Variants in GRIP1 observed in about 807,000 individuals in gnomAD.
GRIP1 encodes the protein glutamate receptor-interacting protein 1.
Under a neutral mutation model 129.9 loss-of-function variants are expected in GRIP1, and 45 were observed. That is an observed-to-expected ratio of 0.35 (90% CI 0.27 to 0.44). The LOEUF (loss-of-function observed/expected upper bound fraction) is 0.44. Among genes scored for constraint, GRIP1 ranks in the 20% least tolerant of loss-of-function variants. GRIP1 has a pLI of 1.00. For synonymous variants in GRIP1, 530 were observed against 520.8 expected (o/e 1.02, Z -0.24); for missense variants, 1,196 against 1,396.8 (o/e 0.86, Z 2.29).
At chr12:66,848,242 C>CTT (rs2039852491) in intron 1 of GRIP1, among the ~76,000 whole-genome samples, 1 of 151,936 alleles carries the variant, frequency 6.6e-6, no homozygotes, top group Non-Finnish European at 1.5e-5. Context: ...CTCCCTGGCT[C>CTT]TTTCCCTGTC....
intron 1 of GRIP1, among the ~76,000 whole-genome samples, chr12:66,661,538 A>G (rs888048269): frequency 1.3e-5 from 2 of 151,750 alleles, no homozygotes; most frequent in Non-Finnish European, 2.9e-5. Context: ...GACTTGGGGG[A>G]AGTCCTGTCT....
chr12:66,995,856 C>T (rs2042459258), intron 1 of GRIP1, among the ~76,000 whole-genome samples: 1 of 152,148 alleles, frequency 6.6e-6, no homozygotes, highest in Non-Finnish European at 1.5e-5. Context: ...CATATGTCCA[C>T]ATAAAATCTC....
intron 1 of GRIP1, among the ~76,000 whole-genome samples, chr12:67,031,015 C>A (rs1013431126): frequency 6.6e-6 from 1 of 151,712 alleles, no homozygotes; most frequent in Non-Finnish European, 1.5e-5. Flanking sequence ...GCTCACCTCA[C>A]GACAGGTAAA....
intron 7 of GRIP1, among the ~76,000 whole-genome samples, chr12:66,472,679 C>T (rs1393502696): frequency 1.3e-5 from 2 of 152,272 alleles, no homozygotes; most frequent in East Asian, 1.9e-4. Context: ...GAAGGGCAAG[C>T]CGAAGCAGGG....
intron 1 of GRIP1, among the ~76,000 whole-genome samples, chr12:66,810,218 T>C (rs1027746806): frequency 1.3e-5 from 2 of 152,164 alleles, no homozygotes; most frequent in Admixed American, 1.3e-4. Flanking sequence ...TGTATAACAG[T>C]ATTAGCTTCT....
At chr12:66,601,408 G>A (rs1475177340) in intron 1 of GRIP1, among the ~76,000 whole-genome samples, 2 of 152,166 alleles carry the variant, frequency 1.3e-5, no homozygotes, top group African/African-American at 2.4e-5. Flanking sequence ...GTATCAAACA[G>A]CATCCTTGTG....
chr12:66,880,460 A>G (rs767958420), intron 1 of GRIP1, among the ~76,000 whole-genome samples: 4 of 152,138 alleles, frequency 2.6e-5, no homozygotes, highest in Admixed American at 6.6e-5. Context: ...ACATTGGTCA[A>G]TATCATGATT....
At chr12:66,588,377 T>C (rs1261500192) in intron 2 of GRIP1, among the ~76,000 whole-genome samples, 2 of 152,038 alleles carry the variant, frequency 1.3e-5, no homozygotes, top group African/African-American at 2.4e-5. Context: ...CCCCCTCTAA[T>C]TGAGGGCTCT....
intron 1 of GRIP1, among the ~76,000 whole-genome samples, chr12:66,983,792 T>A (rs1314529849): frequency 6.6e-6 from 1 of 152,196 alleles, no homozygotes; most frequent in Non-Finnish European, 1.5e-5. Flanking sequence ...ATGAAGTGAT[T>A]AAATAGTATT....
intron 4 of GRIP1, among the ~76,000 whole-genome samples, chr12:66,534,730 G>C (rs1052919392): frequency 6.6e-6 from 1 of 151,400 alleles, no homozygotes; most frequent in Non-Finnish European, 1.5e-5. Context: ...GTCTTGCTCT[G>C]TTGCCCAGGC....
At chr12:66,771,738 G>C (rs1454544903) in intron 1 of GRIP1, among the ~76,000 whole-genome samples, 1 of 152,170 alleles carries the variant, frequency 6.6e-6, no homozygotes, top group African/African-American at 2.4e-5. Flanking sequence ...TAGAAAGAAA[G>C]AAAGTTCTTT....
chr12:66,840,754 T>G (rs1371444555), intron 1 of GRIP1, among the ~76,000 whole-genome samples: 2 of 152,198 alleles, frequency 1.3e-5, no homozygotes, highest in Non-Finnish European at 2.9e-5. Flanking sequence ...ACTGGTCATT[T>G]GGGCTGCCTG....
At chr12:66,815,051 T>C (rs1463783665) in intron 1 of GRIP1, among the ~76,000 whole-genome samples, 2 of 152,182 alleles carry the variant, frequency 1.3e-5, no homozygotes, top group Admixed American at 1.3e-4. Flanking sequence ...GGGTGGGGGA[T>C]AGCCAAACTA....
At chr12:66,388,072 C>T (rs190426137) in intron 19 of GRIP1, among the ~76,000 whole-genome samples, 247 of 148,456 alleles carry the variant, frequency 1.7e-3, no homozygotes, top group African/African-American at 5.1e-3. Context: ...TAAAATTGTA[C>T]GTAAAAAAAA....
intron 1 of GRIP1, among the ~76,000 whole-genome samples, chr12:66,900,831 G>C (rs995340625): frequency 6.6e-6 from 1 of 152,200 alleles, no homozygotes; most frequent in Non-Finnish European, 1.5e-5. Context: ...TTGCCAACTG[G>C]AAAAACATCA....
At position 66,531,276 on chromosome 12, in the gene GRIP1, T is replaced by A. The variant is rs1400195355; in HGVS notation, c.419-1362A>T. 8.4e-4 allele frequency among the ~76,000 whole-genome samples: 11 copies of A among 13,148 alleles called. 1 individual carries two copies. In the African/African-American group the frequency reaches 0.011, roughly 13 times the overall value. The allele number at this position is 13,148 out of a possible 152,430, so 8.6% of individuals were successfully genotyped here. A position where few individuals can be genotyped will look rare whatever the true frequency, so the allele number is the denominator to read the frequency against. Reference sequence around the variant, plus strand: ...AAATATATATATATATATATATATATATATATATATATATATATATATATA... The same window carrying A: ...AAATATATATATATATATATATATAAATATATATATATATATATATATATA... On this transcript the variant is annotated intron_variant, in intron 4 of 24. Transcript: ENST00000359742.
At chr12:66,874,212 A>T (rs927947080) in intron 1 of GRIP1, among the ~76,000 whole-genome samples, 1 of 152,124 alleles carries the variant, frequency 6.6e-6, no homozygotes, top group Non-Finnish European at 1.5e-5. Context: ...ATCTTTTAAA[A>T]TGGAATGTGT....
chr12:67,045,937 T>C (rs1279840349), intron 1 of GRIP1, among the ~76,000 whole-genome samples: 2 of 152,114 alleles, frequency 1.3e-5, no homozygotes, highest in Non-Finnish European at 2.9e-5. Flanking sequence ...GCGGATTCCT[T>C]AGAAGGGGAA....
At chr12:66,908,829 T>C (rs1012233578) in intron 1 of GRIP1, among the ~76,000 whole-genome samples, 2 of 152,190 alleles carry the variant, frequency 1.3e-5, no homozygotes, top group African/African-American at 4.8e-5. Flanking sequence ...GGAAGCAAGA[T>C]GTCTGCCTGG....
Sources: gnomAD v4.1 joint callset for allele counts (sites outside exome capture counted in the v4.1 genomes callset) on GRCh38, gnomAD v4.1.1 for gene constraint, MANE v1.5 for transcripts, NCBI Gene and HGNC (gene_info 2026-07-23, HGNC 2026-07-21) for gene names.